The following PEAR1 variants were observed in gnomAD, a reference collection of about 807,000 sequenced individuals.
The protein encoded by PEAR1 is platelet endothelial aggregation receptor 1, also known as multiple EGF-like domains protein 12.
A neutral mutation model predicts 131.2 loss-of-function variants in PEAR1; 113 were observed. The observed-to-expected ratio is 0.86, with a 90% CI of 0.74 to 1.01. The LOEUF (loss-of-function observed/expected upper bound fraction) is 1.01, where lower values mean the gene tolerates loss of function less well. PEAR1 is among the 50% of genes least tolerant of loss of function. PEAR1 has a pLI of 0.00. For synonymous variants in PEAR1, 565 were observed against 523.3 expected (o/e 1.08, Z -1.09); for missense variants, 1,408 against 1,391.1 (o/e 1.01, Z -0.19).
chr1:156,910,815 C>A lies in PEAR1; in HGVS notation c.1951+72C>A, dbSNP rs140657994. On this transcript the variant is annotated intron_variant, in intron 15 of 22. Transcript: ENST00000292357. ...GGTGCTGAGGACGGGAGGTCTCTGT[C>A]CCCCAGCTCCTGGGTATAAAAGCCT... The A allele has an allele frequency of 7.5e-5, 119 of 1,585,274 alleles. No individual in the cohort carries two copies. The East Asian group carries it at 1.2e-3, about 16-fold the overall frequency.
In PEAR1 at chr1:156,912,790, G is replaced by A. The variant is rs1468380673; in HGVS notation, c.2230G>A (p.Val744Met). The A allele has an allele frequency of 6.2e-7, 1 of 1,614,106 alleles. No individual in the cohort carries two copies. The highest frequency in any genetic ancestry group is 1.3e-5 in the African/African-American group (1 of 74,940). Reference protein sequence around the residue: ...CRIGIQEPFTVMPTTPVAYNS... With the variant: ...CRIGIQEPFTMMPTTPVAYNS... ...CACAGGAATCCAGGAGCCCTTTACT[G>A]TGATGCCGACCACTCCAGTAGCGTA... Residue 744 changes from valine to methionine, a missense_variant, in exon 18 of 23, where the codon GTG becomes ATG. Val to Met is a conservative substitution (Grantham distance 21, BLOSUM62 1). Transcript: ENST00000292357.
At chr1:156,895,960 T>G (rs1649119540) in intron 1 of PEAR1, among the ~76,000 whole-genome samples, 1 of 152,012 alleles carries the variant, frequency 6.6e-6, no homozygotes, top group African/African-American at 2.4e-5. Flanking sequence ...TGCCCGCCCA[T>G]GGGCCCATCT....
At chr1:156,912,167 C>A in intron 15 of PEAR1, 80 bp from the exon 16 acceptor site, 2 of 1,520,964 alleles carry the variant, frequency 1.3e-6, no homozygotes, top group African/African-American at 1.4e-5. Flanking sequence ...GAGCTAAAGG[C>A]TTCAGTGATG....
In PEAR1 at chr1:156,914,885, G is replaced by A; in HGVS notation, c.*87G>A. The A allele has an allele frequency of 1.4e-6, 2 of 1,457,680 alleles. No homozygotes were observed. The highest frequency in any genetic ancestry group is 1.9e-6 in the Non-Finnish European group (2 of 1,070,228). The allele number at this position is 1,457,680 out of a possible 1,614,324, so 90.3% of individuals were successfully genotyped here. ...AGAGCCTAGTGTACCCCTGCCAGGA[G>A]CAGGGAGTGGACCGGCAGGCTGTGA... On this transcript the variant is annotated 3_prime_UTR_variant, in exon 23 of 23. Coordinates refer to ENST00000292357, the MANE Select transcript of PEAR1 (RefSeq NM_001080471.3).
intron 1 of PEAR1, among the ~76,000 whole-genome samples, chr1:156,903,012 T>C (rs1339531305): frequency 6.6e-6 from 1 of 152,170 alleles, no homozygotes; most frequent in Non-Finnish European, 1.5e-5. Context: ...GTGTGCTGGC[T>C]AAGGTGTCAC....
chr1:156,898,356 T>A (rs1649362758), intron 1 of PEAR1, among the ~76,000 whole-genome samples: 1 of 152,054 alleles, frequency 6.6e-6, no homozygotes, highest in Admixed American at 6.5e-5. Context: ...GTCCAGCCCC[T>A]CACCCCTGCC....
In PEAR1 at chr1:156,896,505, G is replaced by A. The variant is rs559470344; in HGVS notation, c.-10+2668G>A. On this transcript the variant is annotated intron_variant, in intron 1 of 22. Transcript: ENST00000292357. ...CTTCCAGGGTGGCGGCGAGGGTTGG[G>A]ACTGGCACTGGCGACAGCCTGCGGG... Among the ~76,000 whole-genome samples, 9 of 152,348 alleles carry A rather than the reference G, an allele frequency of 5.9e-5. No individual in the cohort carries two copies. The South Asian group carries it at 1.9e-3, about 32-fold the overall frequency.
Position 156,904,992 on chromosome 1 carries a change from G to A in PEAR1, c.206+140G>A, listed in dbSNP as rs761779083. On this transcript the variant is annotated intron_variant, in intron 3 of 22. Coordinates refer to ENST00000292357, the MANE Select transcript of PEAR1 (RefSeq NM_001080471.3). ...TCTAGGGATTCATTCTGCATGGTCT[G>A]TGTCGGGTACGTGTGTATGGGATGT... is the stretch of plus-strand genomic sequence containing the variant. The A allele has an allele frequency of 9.7e-6, 15 of 1,553,244 alleles. No homozygotes were observed. The East Asian group carries it at 2.7e-4, about 28-fold the overall frequency.
intron 1 of PEAR1, among the ~76,000 whole-genome samples, chr1:156,894,139 G>A (rs1648927478): frequency 6.6e-6 from 1 of 152,208 alleles, no homozygotes; most frequent in African/African-American, 2.4e-5. Context: ...TGTGAGTCAG[G>A]GGCAGCCTGG....
At position 156,906,701 on chromosome 1, in the gene PEAR1, G is replaced by T. The variant is rs199937671; in HGVS notation, c.465G>T (p.Ser155=). The change falls in exon 6 of 23, where the codon TCG becomes TCT. Residue 155 remains serine (S), a synonymous_variant. Coordinates refer to ENST00000292357, the MANE Select transcript of PEAR1 (RefSeq NM_001080471.3). ...CCTGCAGCTGCGGCAACAACAGCTC[G>T]TGTGATCCCAAGAGTGGGGTATGTT... ...DKPCSCGNNS[S]CDPKSGVCSC... 1.2e-6 allele frequency: 2 copies of T among 1,614,002 alleles called. No homozygotes were observed. The highest frequency in any genetic ancestry group is 2.7e-5 in the African/African-American group (2 of 74,932).
In PEAR1 at chr1:156,908,246, A is replaced by C. The variant is rs1279951180; in HGVS notation, c.1021A>C (p.Thr341Pro). The C allele has an allele frequency of 6.3e-7, 1 of 1,599,028 alleles. No homozygotes were observed. The highest frequency in any genetic ancestry group is 1.3e-5 in the African/African-American group (1 of 74,832). Residue 341 changes from threonine (T) to proline (P), a missense_variant, in exon 9 of 23, where the codon ACT becomes CCT. By Grantham distance (38) the Thr-to-Pro change is conservative (BLOSUM62 -1). Coordinates refer to ENST00000292357, the MANE Select transcript of PEAR1 (RefSeq NM_001080471.3). This position sits in a 1 kb window ranked among gnomAD's most constrained non-coding sequence, Gnocchi z 4.2. Reference protein sequence around the residue: ...NGACLCEHGFTGDRCTDRLCP... With the variant: ...NGACLCEHGFPGDRCTDRLCP... ...CGCATGTCTGTGCGAACACGGCTTC[A>C]CTGGGGACCGCTGCACGGATCGCCT...
In PEAR1 at chr1:156,913,882, G is replaced by A; in HGVS notation, c.2744G>A (p.Ser915Asn). The change falls in exon 22 of 23, where the codon AGT becomes AAT. Residue 915 changes from serine (S) to asparagine (N), a missense_variant. By Grantham distance (46) the Ser-to-Asn change is conservative. Transcript: ENST00000292357. ...GLISEEELGA[S>N]VASLSSENPY... ...ATCTCTGAAGAGGAGCTCGGGGCCA[G>A]TGTGGCTTCCCTGAGCAGTGAGAAC... The A allele has an allele frequency of 1.2e-6, 2 of 1,613,854 alleles. No homozygotes were observed. Among genetic ancestry groups the A allele is most frequent in the South Asian group, 1.1e-5 (1 of 91,038 alleles).
At chr1:156,899,818 C>T (rs1218547629) in intron 1 of PEAR1, among the ~76,000 whole-genome samples, 2 of 150,580 alleles carry the variant, frequency 1.3e-5, no homozygotes, top group African/African-American at 4.9e-5. Context: ...TGAACTTGGG[C>T]AGGGGTTGGG....
intron 1 of PEAR1, among the ~76,000 whole-genome samples, chr1:156,899,476 T>TGCC (rs1365460825): frequency 6.6e-6 from 1 of 152,066 alleles, no homozygotes; most frequent in Non-Finnish European, 1.5e-5. Context: ...TGCCCCCACT[T>TGCC]CCTTTCTCTC....
chr1:156,910,730 C>G lies in PEAR1; in HGVS notation c.1938C>G (p.Pro646=). 2 of 1,614,110 alleles carry G rather than the reference C, an allele frequency of 1.2e-6. No individual in the cohort carries two copies. The highest frequency in any genetic ancestry group is 1.7e-6 in the Non-Finnish European group (2 of 1,180,030). ...TCYCLAGWTG[P]DCSQPCPPGH... ...ACTGCCTGGCTGGCTGGACAGGCCCCGACTGCTCCCAGCGTATGTGGTAGC... is the reference window on the plus strand; with the variant it reads ...ACTGCCTGGCTGGCTGGACAGGCCCGGACTGCTCCCAGCGTATGTGGTAGC... Residue 646 remains proline (P), a synonymous_variant, in exon 15 of 23, where the codon CCC becomes CCG. Coordinates refer to ENST00000292357, the MANE Select transcript of PEAR1 (RefSeq NM_001080471.3).
At chr1:156,913,142 T>C in intron 18 of PEAR1, 52 bp from the exon 19 acceptor site, 4 of 1,587,246 alleles carry the variant, frequency 2.5e-6, no homozygotes, top group Non-Finnish European at 3.4e-6. Flanking sequence ...AACAGCTCTC[T>C]TGGACTCCTG....
intron 1 of PEAR1, among the ~76,000 whole-genome samples, chr1:156,897,818 G>C (rs1649306624): frequency 6.6e-6 from 1 of 152,230 alleles, no homozygotes; most frequent in Non-Finnish European, 1.5e-5. Flanking sequence ...GGCATGTGGG[G>C]TCAGCGGCTG....
chr1:156,909,913 C>A lies in PEAR1; in HGVS notation c.1574C>A (p.Pro525Gln). The A allele has an allele frequency of 6.2e-7, 1 of 1,608,844 alleles. No homozygotes were observed. Among genetic ancestry groups the A allele is most frequent in the South Asian group, 1.1e-5 (1 of 90,550 alleles). The part of the protein sequence containing the change: ...WHGAHCQLPC[P>Q]KGQFGEGCAS... ...GGGGCCCACTGCCAGCTGCCCTGTCCGGTGAGTGCTGGACAGCCTGTCTGC... is the reference window on the plus strand; with the variant it reads ...GGGGCCCACTGCCAGCTGCCCTGTCAGGTGAGTGCTGGACAGCCTGTCTGC... The change falls in exon 12 of 23, where the codon CCG becomes CAG. Residue 525 changes from proline to glutamine, a missense_variant and splice_region_variant. Transcript: ENST00000292357.
chr1:156,908,768 G>A lies in PEAR1; in HGVS notation c.1229G>A (p.Cys410Tyr), dbSNP rs759656537. The A allele has an allele frequency of 1.3e-6, 2 of 1,595,904 alleles. No individual in the cohort carries two copies. The highest frequency in any genetic ancestry group is 2.7e-5 in the African/African-American group (2 of 74,640). The part of the protein sequence containing the change: ...HGPGCQEHCL[C>Y]LHGGVCQATS... ...CCAGGGTGCCAGGAGCACTGTCTCT[G>A]CCTGCACGGTGGCGTCTGCCAGGCT... The change falls in exon 10 of 23, where the codon TGC becomes TAC. Residue 410 changes from cysteine (C) to tyrosine (Y), a missense_variant. By Grantham distance (194) the Cys-to-Tyr change is radical (BLOSUM62 -2). Transcript: ENST00000292357. This position sits in a 1 kb window ranked among gnomAD's most constrained non-coding sequence, Gnocchi z 4.2.
Sources: gnomAD v4.1 joint callset for allele counts (sites outside exome capture counted in the v4.1 genomes callset) on GRCh38, gnomAD v4.1.1 for gene constraint, Gnocchi (gnomAD v3.1) non-coding constraint, MANE v1.5 for transcripts, NCBI Gene and HGNC (gene_info 2026-07-23, HGNC 2026-07-21) for gene names.